Variants in POLK observed in about 807,000 individuals in gnomAD.
The protein encoded by POLK is polymerase (DNA directed) kappa.
Under a neutral mutation model 94.0 loss-of-function variants are expected in POLK, and 76 were observed. The ratio of observed to expected loss-of-function variants is 0.81; its 90% CI spans 0.67 to 0.98. POLK has a LOEUF of 0.98. Among genes scored for constraint, POLK ranks in the 50% least tolerant of loss-of-function variants. The probability of loss-of-function intolerance (pLI) is 0.00; values close to 1 mark genes in which losing one functional copy is unlikely to be tolerated. For missense variants in POLK, 954 were observed against 1,010.1 expected (o/e 0.94, Z 0.75); for synonymous variants, 349 against 325.4 (o/e 1.07, Z -0.78).
chr5:75,527,575 GTA>G (rs1768933177), intron 1 of POLK, among the ~76,000 whole-genome samples: 1 of 151,322 alleles, frequency 6.6e-6, no homozygotes, highest in Non-Finnish European at 1.5e-5. Context: ...ATATACATGT[GTA>G]TGTGTGTGTG....
intron 13 of POLK, chr5:75,597,494 C>T: frequency 4.9e-6 from 2 of 404,482 alleles, no homozygotes; most frequent in Non-Finnish European, 8.7e-6. Flanking sequence ...ACTATAACTG[C>T]ATAACTAGAA....
chr5:75,570,382 G>A (rs534291403), intron 4 of POLK, among the ~76,000 whole-genome samples: 2 of 152,206 alleles, frequency 1.3e-5, no homozygotes, highest in South Asian at 2.1e-4. Context: ...TGATCTGCAG[G>A]CCAAATCCAG....
At chr5:75,581,171 T>G in intron 6 of POLK, 38 bp from the exon 7 acceptor site, 2 of 1,452,290 alleles carry the variant, frequency 1.4e-6, no homozygotes, top group South Asian at 1.2e-5. Flanking sequence ...ATATACTTCT[T>G]AAAATAAAGG....
chr5:75,526,218 T>G (rs1332168992), intron 1 of POLK, among the ~76,000 whole-genome samples: 1 of 151,978 alleles, frequency 6.6e-6, no homozygotes, highest in Non-Finnish European at 1.5e-5. Flanking sequence ...AGAGTGAGAC[T>G]CCGTCTCTTA....
chr5:75,533,427 C>G (rs957281500), intron 1 of POLK, among the ~76,000 whole-genome samples: 10 of 152,156 alleles, frequency 6.6e-5, no homozygotes, highest in African/African-American at 2.2e-4. Context: ...GTTCTCTATT[C>G]TGTTCCATTT....
chr5:75,592,407 G>A (rs1772835136), intron 11 of POLK, among the ~76,000 whole-genome samples: 1 of 152,256 alleles, frequency 6.6e-6, no homozygotes, highest in Non-Finnish European at 1.5e-5. Context: ...TCTTGTAATG[G>A]TCTTTTATAA....
chr5:75,570,281 A>G (rs1771521976), intron 4 of POLK, among the ~76,000 whole-genome samples: 1 of 152,214 alleles, frequency 6.6e-6, no homozygotes, highest in Admixed American at 6.5e-5. Flanking sequence ...GGCAAATTAA[A>G]TTTTTCCATA....
At position 75,594,183 on chromosome 5, in the gene POLK, A is replaced by G. The variant is rs1452993909; in HGVS notation, c.1528+134A>G. 4 of 616,550 alleles carry G rather than the reference A, an allele frequency of 6.5e-6. No individual in the cohort carries two copies. In the East Asian group the frequency reaches 1.1e-4, roughly 17 times the overall value. The allele number at this position is 616,550 out of a possible 1,614,324, so 38.2% of individuals were successfully genotyped here. Reference sequence around the variant, plus strand: ...ATTTTTCAACTTTGCGACAGTGGGAAAGCTGTATGCTTTCAGTACACTCTT... The same window carrying G: ...ATTTTTCAACTTTGCGACAGTGGGAGAGCTGTATGCTTTCAGTACACTCTT... On this transcript the variant is annotated intron_variant, in intron 12 of 14. Transcript: ENST00000241436.
At chr5:75,581,166 C>T in intron 6 of POLK, 43 bp from the exon 7 acceptor site, 1 of 1,411,440 alleles carries the variant, frequency 7.1e-7, no homozygotes, top group Non-Finnish European at 9.9e-7. Context: ...GAAGTATATA[C>T]TTCTTAAAAT....
chr5:75,571,299 C>T (rs5744634), intron 4 of POLK, among the ~76,000 whole-genome samples: 1,876 of 152,260 alleles, frequency 0.012, 39 homozygotes, highest in African/African-American at 0.043. Flanking sequence ...ATTATTCCCA[C>T]TGATAAAATT....
At chr5:75,517,347 T>C (rs552045422) in intron 1 of POLK, among the ~76,000 whole-genome samples, 4 of 152,302 alleles carry the variant, frequency 2.6e-5, no homozygotes, top group East Asian at 3.9e-4. Context: ...TTTACAGATC[T>C]TTCACTTAAG....
At chr5:75,574,323 T>C (rs976205286) in intron 5 of POLK, among the ~76,000 whole-genome samples, 4 of 152,164 alleles carry the variant, frequency 2.6e-5, no homozygotes, top group Non-Finnish European at 5.9e-5. Context: ...CTACTTTACT[T>C]GCCCCATAAT....
At chr5:75,584,397 A>G (rs1772352226) in intron 8 of POLK, among the ~76,000 whole-genome samples, 1 of 152,156 alleles carries the variant, frequency 6.6e-6, no homozygotes, top group Admixed American at 6.6e-5. Flanking sequence ...CATACCTTTT[A>G]TCGATGATAA....
At chr5:75,563,697 G>C (rs1299791509) in intron 3 of POLK, among the ~76,000 whole-genome samples, 1 of 152,124 alleles carries the variant, frequency 6.6e-6, no homozygotes, top group East Asian at 1.9e-4. Context: ...TTTCCACGTA[G>C]TTGTGCAATT....
At chr5:75,546,758 C>T (rs1261552139) in intron 1 of POLK, among the ~76,000 whole-genome samples, 3 of 152,036 alleles carry the variant, frequency 2.0e-5, no homozygotes, top group East Asian at 1.9e-4. Context: ...CTCTGCCTCC[C>T]GGGTTCAAGC....
intron 1 of POLK, among the ~76,000 whole-genome samples, chr5:75,537,002 G>A (rs1282192424): frequency 6.6e-6 from 1 of 152,188 alleles, no homozygotes; most frequent in African/African-American, 2.4e-5. Context: ...AGCAAGCATT[G>A]TCTGCCTGGC....
At chr5:75,588,696 T>C (rs564525472) in intron 10 of POLK, among the ~76,000 whole-genome samples, 3 of 152,338 alleles carry the variant, frequency 2.0e-5, no homozygotes, top group African/African-American at 7.2e-5. Flanking sequence ...CTAAAGTTAA[T>C]GTGTTGGTAG....
At chr5:75,594,158 A>G in intron 12 of POLK, 109 bp downstream of exon 12, 1 of 699,302 alleles carries the variant, frequency 1.4e-6, no homozygotes. Flanking sequence ...CAACTTAATG[A>G]TTTTTCAACT....
At chr5:75,549,770 A>G (rs762696990) in intron 2 of POLK, among the ~76,000 whole-genome samples, 1 of 152,126 alleles carries the variant, frequency 6.6e-6, no homozygotes, top group Non-Finnish European at 1.5e-5. Flanking sequence ...GTAAATCCCC[A>G]TATAATCATC....
Sources: allele counts gnomAD v4.1 joint callset (sites outside exome capture counted in the v4.1 genomes callset), GRCh38; gene constraint gnomAD v4.1.1; transcripts MANE v1.5; gene names NCBI Gene and HGNC (gene_info 2026-07-23, HGNC 2026-07-21).